Variants in MSR1 observed in about 807,000 individuals in gnomAD.
The protein encoded by MSR1 is macrophage scavenger receptor 1, also known as macrophage scavenger receptor types I and II.
In MSR1, 53 loss-of-function variants were observed where a neutral mutation model predicts 47.2. That is an observed-to-expected ratio of 1.12 (90% CI 0.90 to 1.41). The LOEUF (loss-of-function observed/expected upper bound fraction) is 1.41, where lower values mean the gene tolerates loss of function less well. MSR1 is among the 40% of genes most tolerant of loss of function. The pLI is 0.00. For synonymous variants in MSR1, 239 were observed against 185.6 expected (o/e 1.29, Z -2.34); for missense variants, 786 against 546.9 (o/e 1.44, Z -4.36).
chr8:16,147,981 G>A (rs1023033148), intron 7 of MSR1, among the ~76,000 whole-genome samples: 1 of 152,142 alleles, frequency 6.6e-6, no homozygotes, highest in Admixed American at 6.5e-5. Context: ...CAGAAACTCT[G>A]GGGTGGAGTC....
At chr8:16,114,934 T>G (rs1254974905) in intron 9 of MSR1, among the ~76,000 whole-genome samples, 1 of 152,116 alleles carries the variant, frequency 6.6e-6, no homozygotes, top group East Asian at 1.9e-4. Context: ...TCCCAGCACT[T>G]TGGGAGGCTG....
rs565601561 is a variant in MSR1 at position 16,170,031 on chromosome 8, AT to A, written c.218-1162del. ...CAATATGTTTTCTAGTTTCAAAAAA[AT>A]AAAAGGCTTAAACATTAACTTTTTA... On this transcript the variant is annotated intron_variant, in intron 3 of 9. Transcript: ENST00000262101. 4.6e-5 allele frequency among the ~76,000 whole-genome samples: 7 copies of A among 152,290 alleles called. No homozygotes were observed. The East Asian group carries it at 5.8e-4, about 13-fold the overall frequency.
chr8:16,176,890 A>G (rs1801664726), intron 2 of MSR1, among the ~76,000 whole-genome samples: 1 of 152,148 alleles, frequency 6.6e-6, no homozygotes, highest in Non-Finnish European at 1.5e-5. Flanking sequence ...TGAGGTCTGT[A>G]TTTCAGGTTT....
intron 5 of MSR1, among the ~76,000 whole-genome samples, chr8:16,162,592 G>A (rs116521809): frequency 6.6e-6 from 1 of 152,066 alleles, no homozygotes; most frequent in African/African-American, 2.4e-5. Context: ...AACAAAAGCA[G>A]GAAAATACGT....
Position 16,164,086 on chromosome 8 carries a change from T to C in MSR1, c.796A>G (p.Arg266Gly). 1 of 1,609,286 alleles carries C rather than the reference T, an allele frequency of 6.2e-7. No individual in the cohort carries two copies. The highest frequency in any genetic ancestry group is 1.3e-5 in the African/African-American group (1 of 74,974). ...TTACCTTGAATTAAAGTGATATTTC[T>C]CAAGGTCTGAGAATGTTCCCAATCT... ...LKDWEHSQTL[R>G]NITLIQGPPG... The change falls in exon 5 of 10, where the codon AGA becomes GGA. Residue 266 changes from arginine (R) to glycine (G), a missense_variant. Arg to Gly is a moderately radical substitution (Grantham distance 125, BLOSUM62 -2). Coordinates refer to ENST00000262101, the MANE Select transcript of MSR1 (RefSeq NM_138715.3).
In MSR1 at chr8:16,109,798, C is replaced by G. The variant is rs13306546; in HGVS notation, c.*287G>C. 0.032 allele frequency: 12,800 copies of G among 403,274 alleles called. 592 individuals carry two copies. The highest frequency in any genetic ancestry group is 0.14 in the East Asian group (2,782 of 19,348). The allele number at this position is 403,274 out of a possible 1,614,324, so 25.0% of individuals were successfully genotyped here. A position where few individuals can be genotyped will look rare whatever the true frequency, so the allele number is the denominator to read the frequency against. ...ATTACTGGTATGCATTTCTATTACC[C>G]TTGGCCTTTGTAATCTGGAAGCTAT... On this transcript the variant is annotated 3_prime_UTR_variant, in exon 10 of 10. Coordinates refer to ENST00000262101, the MANE Select transcript of MSR1 (RefSeq NM_138715.3).
chr8:16,170,899 T>C (rs1039035889), intron 3 of MSR1, among the ~76,000 whole-genome samples: 2 of 152,190 alleles, frequency 1.3e-5, no homozygotes, highest in East Asian at 3.9e-4. Flanking sequence ...ACTAATTAAA[T>C]AGGCATATCT....
At chr8:16,137,940 T>G (rs1166114878) in intron 8 of MSR1, among the ~76,000 whole-genome samples, 1 of 151,566 alleles carries the variant, frequency 6.6e-6, no homozygotes, top group Middle Eastern at 3.2e-3. Context: ...TGCAGGGAGC[T>G]ATGGTCGTGC....
intron 8 of MSR1, chr8:16,139,500 A>C: frequency 1.0e-6 from 1 of 984,732 alleles, no homozygotes; most frequent in East Asian, 1.1e-4. Flanking sequence ...AATAGTATGA[A>C]TCTTGGGTCT....
chr8:16,175,158 C>T (rs763559645), intron 3 of MSR1, 29 bp downstream of exon 3: 1 of 1,582,150 alleles, frequency 6.3e-7, no homozygotes, highest in Admixed American at 1.7e-5. Flanking sequence ...GGACGAGTTA[C>T]TAAATTTCAA....
chr8:16,169,936 G>T (rs1224658839), intron 3 of MSR1, among the ~76,000 whole-genome samples: 9 of 152,040 alleles, frequency 5.9e-5, no homozygotes, highest in Non-Finnish European at 8.8e-5. Flanking sequence ...ATACTGAGCT[G>T]CTGATAGATA....
chr8:16,167,546 AAAACAAAC>A (rs35532101), intron 4 of MSR1, among the ~76,000 whole-genome samples: 5 of 152,022 alleles, frequency 3.3e-5, no homozygotes, highest in Admixed American at 6.6e-5. Flanking sequence ...CTCCATCTCA[AAAACAAAC>A]AAACAAACAA....
intron 3 of MSR1, 28 bp downstream of exon 3, chr8:16,175,159 T>C (rs766917630): frequency 2.5e-6 from 4 of 1,587,410 alleles, no homozygotes; most frequent in Non-Finnish European, 3.5e-6. Flanking sequence ...GACGAGTTAC[T>C]AAATTTCAAA....
At chr8:16,161,430 T>C (rs1046008552) in intron 5 of MSR1, among the ~76,000 whole-genome samples, 1 of 151,994 alleles carries the variant, frequency 6.6e-6, no homozygotes, top group African/African-American at 2.4e-5. Context: ...GGTATCTAAC[T>C]GTTAGAGAAA....
intron 1 of MSR1, among the ~76,000 whole-genome samples, chr8:16,185,033 A>C (rs1181777792): frequency 6.6e-6 from 1 of 152,086 alleles, no homozygotes; most frequent in Non-Finnish European, 1.5e-5. Flanking sequence ...TGCAATGAGG[A>C]ATGAACAATA....
At chr8:16,162,093 G>C (rs1476496921) in intron 5 of MSR1, among the ~76,000 whole-genome samples, 1 of 151,904 alleles carries the variant, frequency 6.6e-6, no homozygotes, top group Non-Finnish European at 1.5e-5. Flanking sequence ...AATATAAGAA[G>C]TACAGCAAAT....
At chr8:16,137,552 G>A (rs557496355) in intron 8 of MSR1, among the ~76,000 whole-genome samples, 27 of 152,212 alleles carry the variant, frequency 1.8e-4, no homozygotes, top group African/African-American at 6.0e-4. Flanking sequence ...ATTGAATGGA[G>A]TCATAAGGAC....
intron 3 of MSR1, among the ~76,000 whole-genome samples, chr8:16,173,357 T>C (rs1019724262): frequency 6.6e-6 from 1 of 152,188 alleles, no homozygotes; most frequent in Non-Finnish European, 1.5e-5. Flanking sequence ...TGCATAAAGG[T>C]GATGAAATCT....
In MSR1 at chr8:16,109,974, T is replaced by G; in HGVS notation, c.*111A>C. On this transcript the variant is annotated 3_prime_UTR_variant, in exon 10 of 10. Coordinates refer to ENST00000262101, the MANE Select transcript of MSR1 (RefSeq NM_138715.3). Reference sequence around the variant, plus strand: ...TAATCCTGTAATCTAAAATATTATTTGGGCAATATTCTTAATCTCTTAAAT... The same window carrying G: ...TAATCCTGTAATCTAAAATATTATTGGGGCAATATTCTTAATCTCTTAAAT... 7.9e-7 allele frequency: 1 copy of G among 1,264,374 alleles called. No individual in the cohort carries two copies. The highest frequency in any genetic ancestry group is 1.1e-6 in the Non-Finnish European group (1 of 883,710). 78.3% of individuals were successfully genotyped at this position (1,264,374 alleles called of 1,614,324 possible).
Sources: allele counts gnomAD v4.1 joint callset (sites outside exome capture counted in the v4.1 genomes callset), GRCh38; gene constraint gnomAD v4.1.1; transcripts MANE v1.5; gene names NCBI Gene and HGNC (gene_info 2026-07-23, HGNC 2026-07-21).